GABRA2: variants seen among roughly 807,000 people sequenced by gnomAD.
The protein encoded by GABRA2 is gamma-aminobutyric acid receptor subunit alpha-2.
In GABRA2, 16 loss-of-function variants were observed where a neutral mutation model predicts 48.7. The observed-to-expected ratio is 0.33, with a 90% CI of 0.22 to 0.50. GABRA2 has a LOEUF of 0.50. Ranked by LOEUF, GABRA2 falls within the 20% of genes least tolerant of loss-of-function variation. The pLI, the probability that GABRA2 is intolerant of heterozygous loss-of-function variation, is 0.98. For synonymous variants in GABRA2, 185 were observed against 184.5 expected (o/e 1.00, Z -0.02); for missense variants, 275 against 535.6 (o/e 0.51, Z 4.80).
At chr4:46,290,072 C>A (rs1462924119) in intron 8 of GABRA2, among the ~76,000 whole-genome samples, 1 of 140,116 alleles carries the variant, frequency 7.1e-6, no homozygotes, top group Non-Finnish European at 1.6e-5. Flanking sequence ...CCACCGTGCC[C>A]GGCTCATTTT....
At chr4:46,365,168 G>A (rs1249604023) in intron 3 of GABRA2, 1 of 152,094 alleles carries the variant, frequency 6.6e-6, no homozygotes, top group Non-Finnish European at 1.5e-5. Flanking sequence ...TTATTTGACT[G>A]CTCAGGTTTT....
chr4:46,341,855 C>T (rs897153932), intron 3 of GABRA2, among the ~76,000 whole-genome samples: 1 of 151,936 alleles, frequency 6.6e-6, no homozygotes, highest in Admixed American at 6.6e-5. Context: ...TTTGTTAATC[C>T]CAGCTTATAT....
intron 9 of GABRA2, among the ~76,000 whole-genome samples, chr4:46,258,284 G>A (rs1172753361): frequency 1.3e-5 from 2 of 151,816 alleles, no homozygotes; most frequent in Non-Finnish European, 2.9e-5. Context: ...CATGATCAGT[G>A]AAAGAGTTGA....
chr4:46,254,861 G>T (rs902348171), intron 9 of GABRA2, among the ~76,000 whole-genome samples: 1 of 151,500 alleles, frequency 6.6e-6, no homozygotes, highest in African/African-American at 2.4e-5. Flanking sequence ...ACTTCCTGCT[G>T]AAATCTGTAC....
chr4:46,375,597 C>T (rs1470546361), intron 3 of GABRA2, among the ~76,000 whole-genome samples: 1 of 152,144 alleles, frequency 6.6e-6, no homozygotes, highest in East Asian at 1.9e-4. Context: ...CTCTCTGAGC[C>T]TTACACTCTT....
Position 46,262,311 on chromosome 4 carries a change from T to C in GABRA2, c.857-183A>G, listed in dbSNP as rs1475887542. 2.0e-5 allele frequency among the ~76,000 whole-genome samples: 3 copies of C among 152,148 alleles called. No individual in the cohort carries two copies. In the East Asian group the frequency reaches 5.8e-4, roughly 29 times the overall value. ...GTGTAAAGTTAATTATCTTAAATGG[T>C]TATGATATTTCGTGATGTAATGACT... On this transcript the variant is annotated intron_variant, in intron 8 of 9. Coordinates refer to ENST00000381620, the MANE Select transcript of GABRA2 (RefSeq NM_000807.4).
chr4:46,378,276 A>G (rs1482528763), intron 3 of GABRA2, among the ~76,000 whole-genome samples: 6 of 152,092 alleles, frequency 3.9e-5, no homozygotes, highest in African/African-American at 1.2e-4. Flanking sequence ...GTGTAGAAAG[A>G]GGTAGACGTG....
At chr4:46,280,574 C>A (rs916679492) in intron 8 of GABRA2, among the ~76,000 whole-genome samples, 2 of 152,098 alleles carry the variant, frequency 1.3e-5, no homozygotes, top group Non-Finnish European at 2.9e-5. Flanking sequence ...ATTGATCTGA[C>A]CTACATTTTG....
intron 4 of GABRA2, among the ~76,000 whole-genome samples, chr4:46,330,823 T>G (rs568418290): frequency 1.3e-5 from 2 of 152,116 alleles, no homozygotes; most frequent in South Asian, 4.1e-4. Context: ...TGCTAATTTC[T>G]CAATGTAGTA....
intron 3 of GABRA2, among the ~76,000 whole-genome samples, chr4:46,379,627 A>G (rs980196613): frequency 2.6e-5 from 4 of 152,116 alleles, no homozygotes; most frequent in Admixed American, 1.3e-4. Context: ...CTTATTCTGA[A>G]GGTTATCCTA....
Position 46,305,610 on chromosome 4 carries a change from G to C in GABRA2, c.661C>G (p.Leu221Val), listed in dbSNP as rs1355474031. 1 of 1,613,756 alleles carries C rather than the reference G, an allele frequency of 6.2e-7. No individual in the cohort carries two copies. The highest frequency in any genetic ancestry group is 8.5e-7 in the Non-Finnish European group (1 of 1,179,884). The part of the protein sequence containing the change: ...DGSRLNQYDL[L>V]GQSIGKETIK... ...GTCTCCTTTCCGATTGATTGGCCCA[G>C]CAGGTCATATTGATTTAACCTAGAG... Residue 221 changes from leucine to valine, a missense_variant, in exon 7 of 10, where the codon CTG (leucine) becomes GTG (valine). Transcript: ENST00000381620.
chr4:46,330,549 T>C (rs1731145794), intron 4 of GABRA2, among the ~76,000 whole-genome samples: 1 of 130,434 alleles, frequency 7.7e-6, no homozygotes, highest in East Asian at 2.2e-4. Context: ...TTTGCATTTA[T>C]GTATGTATAT....
At chr4:46,361,160 ATGTTAAT>A (rs1713115589) in intron 3 of GABRA2, among the ~76,000 whole-genome samples, 1 of 152,212 alleles carries the variant, frequency 6.6e-6, no homozygotes, top group Admixed American at 6.5e-5. Flanking sequence ...GAGGAGCCCA[ATGTTAAT>A]CACAGGACAA....
chr4:46,247,570 A>G lies in GABRA2; in HGVS notation c.*2738T>C, dbSNP rs1713951071. 6.6e-6 allele frequency among the ~76,000 whole-genome samples: 1 copy of G among 151,268 alleles called. No individual in the cohort carries two copies. Among genetic ancestry groups the G allele is most frequent in the Non-Finnish European group, 1.5e-5 (1 of 67,466 alleles). On this transcript the variant is annotated 3_prime_UTR_variant, in exon 10 of 10. Transcript: ENST00000381620. ...TATCTCTATATATGTACATGTATTT[A>G]TCTACATTTTGTACATACCATAACT... is the stretch of plus-strand genomic sequence containing the variant.
chr4:46,372,854 G>T (rs1481360398), intron 3 of GABRA2, among the ~76,000 whole-genome samples: 1 of 152,188 alleles, frequency 6.6e-6, no homozygotes, highest in African/African-American at 2.4e-5. Context: ...GAAAATTACA[G>T]AGATAACAGG....
intron 3 of GABRA2, among the ~76,000 whole-genome samples, chr4:46,347,803 G>A (rs1734397845): frequency 6.6e-6 from 1 of 151,754 alleles, no homozygotes; most frequent in African/African-American, 2.4e-5. Flanking sequence ...AGATGGAAGA[G>A]AAAAAAACAC....
rs1275045857 is a variant in GABRA2 at position 46,250,111 on chromosome 4, G to C, written c.*197C>G. 3 of 502,700 alleles carry C rather than the reference G, an allele frequency of 6.0e-6. No individual in the cohort carries two copies. The highest frequency in any genetic ancestry group is 7.0e-6 in the Non-Finnish European group (2 of 284,528). The allele number at this position is 502,700 out of a possible 1,614,324, so 31.1% of individuals were successfully genotyped here. On this transcript the variant is annotated 3_prime_UTR_variant, in exon 10 of 10. Coordinates refer to ENST00000381620, the MANE Select transcript of GABRA2 (RefSeq NM_000807.4). ...TTTAAAAAAGGCAATGGCTGTTTTCGCATGGAGTGCTTTCTGTCTGCAGTT... is the reference window on the plus strand; with the variant it reads ...TTTAAAAAAGGCAATGGCTGTTTTCCCATGGAGTGCTTTCTGTCTGCAGTT...
chr4:46,256,417 G>A (rs1715847413), intron 9 of GABRA2: 1 of 472,306 alleles, frequency 2.1e-6, no homozygotes, highest in Non-Finnish European at 3.8e-6. Flanking sequence ...GCGTTTATTG[G>A]GAAAAATTTG....
chr4:46,320,928 C>A (rs279848), intron 4 of GABRA2, among the ~76,000 whole-genome samples: 6 of 151,608 alleles, frequency 4.0e-5, no homozygotes, highest in East Asian at 1.9e-4. Flanking sequence ...TTGGCATTCA[C>A]ATGCTCATTG....
Sources: allele counts gnomAD v4.1 joint callset (sites outside exome capture counted in the v4.1 genomes callset), GRCh38; gene constraint gnomAD v4.1.1; transcripts MANE v1.5; gene names NCBI Gene and HGNC (gene_info 2026-07-23, HGNC 2026-07-21).